Variants in ORC6 observed in about 807,000 individuals in gnomAD.
ORC6 encodes the protein origin recognition complex subunit 6, also known as origin recognition complex, subunit 6 homolog-like (yeast).
A neutral mutation model predicts 30.0 loss-of-function variants in ORC6; 31 were observed. The observed-to-expected ratio is 1.03, with a 90% CI of 0.78 to 1.40. ORC6 has a LOEUF of 1.40. Ranked by LOEUF, ORC6 falls within the 40% of genes most tolerant of loss-of-function variation. The probability of loss-of-function intolerance (pLI) is 0.00; values close to 1 mark genes in which losing one functional copy is unlikely to be tolerated. For synonymous variants in ORC6, 136 were observed against 111.2 expected (o/e 1.22, Z -1.40); for missense variants, 340 against 304.3 (o/e 1.12, Z -0.87).
intron 2 of ORC6, 22 bp from the exon 3 acceptor site, chr16:46,692,360 G>A (rs1192524261): frequency 2.5e-6 from 4 of 1,596,404 alleles, no homozygotes; most frequent in Admixed American, 1.7e-5. Context: ...TATGATTTGT[G>A]TATGTGTTTT....
At chr16:46,696,152 C>A in intron 6 of ORC6, 67 bp downstream of exon 6, 2 of 1,135,234 alleles carry the variant, frequency 1.8e-6, no homozygotes, top group Non-Finnish European at 2.7e-6. Flanking sequence ...GCTGCTCTAG[C>A]AGCTTGCCTG....
rs1443483292 is a variant in ORC6 at position 46,697,916 on chromosome 16, A to G, written c.*331A>G. ...GATCACCTGAGGTCAGGAGCTCGAG[A>G]CCAGCCTGGCCAACATGGTGAAACC... On this transcript the variant is annotated 3_prime_UTR_variant, in exon 7 of 7. Coordinates refer to ENST00000219097, the MANE Select transcript of ORC6 (RefSeq NM_014321.4). 1 of 460,290 alleles carries G rather than the reference A, an allele frequency of 2.2e-6. No individual in the cohort carries two copies. The highest frequency in any genetic ancestry group is 4.3e-6 in the Non-Finnish European group (1 of 230,780). 28.5% of individuals were successfully genotyped at this position (460,290 alleles called of 1,614,324 possible).
chr16:46,695,982 A>G (rs1247090350), intron 5 of ORC6, 35 bp from the exon 6 acceptor site: 2 of 1,481,114 alleles, frequency 1.4e-6, no homozygotes, highest in Admixed American at 1.7e-5. Flanking sequence ...AATTGAGAAC[A>G]GGAGAAAAAT....
rs1187726414 is a variant in ORC6, at chr16:46,692,469, A to G, written c.283A>G (p.Asn95Asp). The change falls in exon 3 of 7, where the codon AAT becomes GAT. Residue 95 changes from asparagine (N) to aspartate (D), a missense_variant. By Grantham distance (23) the Asn-to-Asp change is conservative. Coordinates refer to ENST00000219097, the MANE Select transcript of ORC6 (RefSeq NM_014321.4). ...SFECLLGLNS[N>D]IGIRDLAVQF... ...TGAGTGTTTACTGGGCCTGAATTCA[A>G]ATATTGGAATAAGAGACCTAGCTGT... 1 of 1,613,652 alleles carries G rather than the reference A, an allele frequency of 6.2e-7. No homozygotes were observed. Among genetic ancestry groups the G allele is most frequent in the Non-Finnish European group, 8.5e-7 (1 of 1,179,524 alleles).
At chr16:46,689,942 A>G in intron 1 of ORC6, 172 bp downstream of exon 1, 1 of 922,178 alleles carries the variant, frequency 1.1e-6, no homozygotes, top group Non-Finnish European at 1.5e-6. Flanking sequence ...GTGAGCTTGA[A>G]TGAGATGGCA....
At chr16:46,690,895 C>T in intron 1 of ORC6, 96 bp from the exon 2 acceptor site, 1 of 1,311,068 alleles carries the variant, frequency 7.6e-7, no homozygotes, top group East Asian at 2.3e-5. Context: ...AGGAGTTAGG[C>T]TTAGTGTGAA....
intron 2 of ORC6, 81 bp downstream of exon 2, chr16:46,691,201 TA>T: frequency 7.5e-7 from 1 of 1,329,514 alleles, no homozygotes; most frequent in Non-Finnish European, 1.1e-6. Context: ...TAAACCCTAG[TA>T]AAAACTCTTG....
chr16:46,693,237 A>T (rs1966470092), intron 4 of ORC6, 55 bp downstream of exon 4: 2 of 1,048,138 alleles, frequency 1.9e-6, no homozygotes. Flanking sequence ...TGGGTTTTTC[A>T]TCCCCAAGGA....
At chr16:46,695,407 C>T in intron 4 of ORC6, 155 bp from the exon 5 acceptor site, 2 of 640,126 alleles carry the variant, frequency 3.1e-6, no homozygotes, top group Admixed American at 2.8e-5. Context: ...AACTAAACAA[C>T]TTAGCATAGA....
Position 46,697,598 on chromosome 16 carries a change from A to T in ORC6, c.*13A>T. 19 of 1,613,712 alleles carry T rather than the reference A, an allele frequency of 1.2e-5. No homozygotes were observed. Among genetic ancestry groups the T allele is most frequent in the Non-Finnish European group, 1.6e-5 (19 of 1,179,600 alleles). On this transcript the variant is annotated 3_prime_UTR_variant, in exon 7 of 7. Coordinates refer to ENST00000219097, the MANE Select transcript of ORC6 (RefSeq NM_014321.4). ...TACAGCAGAGTGATTTCAGCTTCCA[A>T]ACTGGTATACATTCCAAACTGATAG...
In ORC6 at chr16:46,693,135, C is replaced by T. The variant is rs750988842; in HGVS notation, c.402C>T (p.Asp134=). 2 of 1,613,226 alleles carry T rather than the reference C, an allele frequency of 1.2e-6. No homozygotes were observed. The highest frequency in any genetic ancestry group is 2.2e-5 in the South Asian group (2 of 91,066). Reference sequence around the variant, plus strand: ...CCCAGACACAGCAAGTGGATCTTGACTTATCCAGGCCACTTTTCACTTCTG... The same window carrying T: ...CCCAGACACAGCAAGTGGATCTTGATTTATCCAGGCCACTTTTCACTTCTG... The part of the protein sequence containing the change: ...SLPQTQQVDL[D]LSRPLFTSAA... The change falls in exon 4 of 7, where the codon GAC becomes GAT. Residue 134 remains aspartate (D), a synonymous_variant. Transcript: ENST00000219097.
chr16:46,690,736 G>A (rs1966425808), intron 1 of ORC6: 3 of 512,098 alleles, frequency 5.9e-6, no homozygotes, highest in Admixed American at 2.8e-5. Flanking sequence ...GTAATGGAAG[G>A]AGGAAAGAAG....
chr16:46,692,554 C>T lies in ORC6; in HGVS notation c.359+9C>T. ...TCAAAGATACTAAAAAGGTATGGGG[C>T]ATAGAGAACCTTAATTGAAAATGTA... On this transcript the variant is annotated intron_variant, in intron 3 of 6. Transcript: ENST00000219097. 6.2e-7 allele frequency: 1 copy of T among 1,610,012 alleles called. No individual in the cohort carries two copies. The highest frequency in any genetic ancestry group is 1.1e-5 in the South Asian group (1 of 90,938).
chr16:46,698,349 C>T lies in ORC6; in HGVS notation c.*764C>T, dbSNP rs1306626457. The T allele has an allele frequency of 2.3e-6, 1 of 438,374 alleles. No homozygotes were observed. The highest frequency in any genetic ancestry group is 4.6e-6 in the Non-Finnish European group (1 of 217,188). The allele number at this position is 438,374 out of a possible 1,614,324, so 27.2% of individuals were successfully genotyped here. A position where few individuals can be genotyped will look rare whatever the true frequency, so the allele number is the denominator to read the frequency against. On this transcript the variant is annotated 3_prime_UTR_variant, in exon 7 of 7. Coordinates refer to ENST00000219097, the MANE Select transcript of ORC6 (RefSeq NM_014321.4). ...TACGGTATTTTTTATTTGACTAAAT[C>T]AATATATTGTACAGCCTAAGTTAAT...
At chr16:46,690,883 A>G in intron 1 of ORC6, 108 bp from the exon 2 acceptor site, 1 of 1,166,170 alleles carries the variant, frequency 8.6e-7, no homozygotes, top group Non-Finnish European at 1.3e-6. Context: ...TAAACGAGCC[A>G]CAGGAGTTAG....
intron 4 of ORC6, chr16:46,693,505 A>T (rs1206114436): frequency 5.1e-6 from 2 of 395,706 alleles, no homozygotes; most frequent in Admixed American, 4.0e-5. Context: ...CATATTTTTT[A>T]AAAAGTACTG....
rs138692254 is a variant in ORC6 at position 46,692,508 on chromosome 16, A to G, written c.322A>G (p.Ile108Val). The change falls in exon 3 of 7, where the codon ATA becomes GTA. Residue 108 changes from isoleucine (I) to valine (V), a missense_variant. Coordinates refer to ENST00000219097, the MANE Select transcript of ORC6 (RefSeq NM_014321.4). ...AGACCTAGCTGTACAGTTTAGCTGT[A>G]TAGAAGCAGTGAACATGGCTTCAAA... ...IRDLAVQFSC[I>V]EAVNMASKIL... 1.3e-4 allele frequency: 202 copies of G among 1,613,994 alleles called. 1 individual carries two copies. The highest frequency in any genetic ancestry group is 6.8e-5 in the Non-Finnish European group (80 of 1,179,854).
At position 46,697,455 on chromosome 16, in the gene ORC6, C is replaced by T. The variant is rs1469987017; in HGVS notation, c.632-3C>T. 1.2e-6 allele frequency: 2 copies of T among 1,610,548 alleles called. No individual in the cohort carries two copies. The highest frequency in any genetic ancestry group is 8.5e-7 in the Non-Finnish European group (1 of 1,177,536). ...GAAATTGCTTTTGATAATTTTCTGTCAGAAATGGAGAAGGTAGAGGAGATG... is the reference window on the plus strand; with the variant it reads ...GAAATTGCTTTTGATAATTTTCTGTTAGAAATGGAGAAGGTAGAGGAGATG... On this transcript the variant is annotated splice_polypyrimidine_tract_variant and splice_region_variant and intron_variant, in intron 6 of 6. Transcript: ENST00000219097.
In ORC6 at chr16:46,692,326, C is replaced by T; in HGVS notation, c.196-56C>T. On this transcript the variant is annotated intron_variant, in intron 2 of 6. Coordinates refer to ENST00000219097, the MANE Select transcript of ORC6 (RefSeq NM_014321.4). ...CTTATTAAACAAGTGTTTAAGGGTA[C>T]TAATATATAGAACTTAAGGTTTTTA... 2.8e-6 allele frequency: 4 copies of T among 1,412,580 alleles called. No homozygotes were observed. The South Asian group carries it at 3.5e-5, about 12-fold the overall frequency. The allele number at this position is 1,412,580 out of a possible 1,614,324, so 87.5% of individuals were successfully genotyped here. A position where few individuals can be genotyped will look rare whatever the true frequency, so the allele number is the denominator to read the frequency against.
Sources: gnomAD v4.1 joint callset for allele counts on GRCh38, gnomAD v4.1.1 for gene constraint, MANE v1.5 for transcripts, NCBI Gene and HGNC (gene_info 2026-07-23, HGNC 2026-07-21) for gene names.